Variants in ZSCAN5A observed in about 807,000 individuals in gnomAD.
The protein encoded by ZSCAN5A is zinc finger and SCAN domain-containing protein 5A.
Under a neutral mutation model 23.7 loss-of-function variants are expected in ZSCAN5A, and 12 were observed. The ratio of observed to expected loss-of-function variants is 0.51; its 90% confidence interval spans 0.32 to 0.82. The LOEUF (loss-of-function observed/expected upper bound fraction) is 0.82, where lower values mean the gene tolerates loss of function less well. ZSCAN5A is among the 40% of genes least tolerant of loss of function. The pLI is 0.03. For missense variants in ZSCAN5A, 597 were observed against 617.9 expected (o/e 0.97, Z 0.36); for synonymous variants, 257 against 239.9 (o/e 1.07, Z -0.66).
chr19:56,289,612 G>T (rs2039378163), intron 2 of ZSCAN5A, among the ~76,000 whole-genome samples: 2 of 152,120 alleles, frequency 1.3e-5, no homozygotes, highest in African/African-American at 4.8e-5. Flanking sequence ...TGGTCTGTTT[G>T]TTTGTTTTTG....
intron 2 of ZSCAN5A, among the ~76,000 whole-genome samples, chr19:56,304,224 C>T (rs925768090): frequency 6.6e-6 from 1 of 152,130 alleles, no homozygotes; most frequent in Non-Finnish European, 1.5e-5. Flanking sequence ...AGATGAGAGC[C>T]GTGCAGCAGT....
chr19:56,223,794 T>C lies in ZSCAN5A; in HGVS notation c.425A>G (p.Asp142Gly). The C allele has an allele frequency of 6.2e-7, 1 of 1,613,550 alleles. No individual in the cohort carries two copies. Among genetic ancestry groups the C allele is most frequent in the Non-Finnish European group, 8.5e-7 (1 of 1,179,976 alleles). Reference protein sequence around the residue: ...TFHGKEYIVQDSDIEMAEAPS... With the variant: ...TFHGKEYIVQGSDIEMAEAPS... ...GGCTTCAGCCATCTCGATATCTGAG[T>C]CCTGCACAATATATTCCTTTCCGTG... Residue 142 changes from aspartate to glycine, a missense_variant, in exon 4 of 6, where the codon GAC (aspartate) becomes GGC (glycine). Transcript: ENST00000683990.
chr19:56,301,871 G>A, intron 2 of ZSCAN5A: 1 of 1,223,244 alleles, frequency 8.2e-7, no homozygotes, highest in Non-Finnish European at 1.0e-6. Context: ...GCAGAGATGT[G>A]AGTTTGGAGA....
chr19:56,246,910 A>G, intron 2 of ZSCAN5A: 1 of 1,606,878 alleles, frequency 6.2e-7, no homozygotes, highest in Non-Finnish European at 8.5e-7. Context: ...CGCCACCTCC[A>G]TTTCCCAAGA....
intron 2 of ZSCAN5A, among the ~76,000 whole-genome samples, chr19:56,330,742 T>C (rs2041481397): frequency 6.6e-6 from 1 of 152,212 alleles, no homozygotes; most frequent in Non-Finnish European, 1.5e-5. Flanking sequence ...CCTTTTTTGA[T>C]GCAGTTTTTG....
At chr19:56,227,023 G>T (rs1347251312) in intron 2 of ZSCAN5A, among the ~76,000 whole-genome samples, 2 of 152,166 alleles carry the variant, frequency 1.3e-5, no homozygotes, top group East Asian at 3.8e-4. Context: ...TACCAGGGCT[G>T]GGGTAGGGGT....
chr19:56,248,010 A>C (rs1336224051), intron 2 of ZSCAN5A, among the ~76,000 whole-genome samples: 1 of 152,176 alleles, frequency 6.6e-6, no homozygotes, highest in African/African-American at 2.4e-5. Flanking sequence ...ATAAACAAAC[A>C]TCTAATTAGT....
At chr19:56,255,401 G>T (rs2036627143) in intron 2 of ZSCAN5A, among the ~76,000 whole-genome samples, 1 of 152,096 alleles carries the variant, frequency 6.6e-6, no homozygotes, top group South Asian at 2.1e-4. Context: ...CAGCCACAGA[G>T]AATTAGAAAG....
chr19:56,352,011 G>A lies in ZSCAN5A; in HGVS notation c.-358+11224C>T, dbSNP rs149679849. Among the ~76,000 whole-genome samples the A allele has an allele frequency of 1.6e-3, 243 of 152,336 alleles. 2 individuals are homozygous for A. Among genetic ancestry groups the A allele is most frequent in the African/African-American group, 5.2e-3 (217 of 41,576 alleles). ...GTAGGGAAGTGGGACCCGAAACTCA[G>A]GAAGGGATGCGGTGAAGATACTGAT... On this transcript the variant is annotated intron_variant, in intron 2 of 6. Transcript: ENST00000587340. This position sits in a 1 kb window ranked among gnomAD's most constrained non-coding sequence, Gnocchi z 4.2.
At chr19:56,294,607 A>G (rs187305354) in intron 2 of ZSCAN5A, among the ~76,000 whole-genome samples, 2 of 152,344 alleles carry the variant, frequency 1.3e-5, no homozygotes, top group Non-Finnish European at 2.9e-5. Context: ...AAGCAGCCAC[A>G]GACAACACAC....
chr19:56,255,415 G>C (rs2036627555), intron 2 of ZSCAN5A, among the ~76,000 whole-genome samples: 1 of 152,000 alleles, frequency 6.6e-6, no homozygotes, highest in Non-Finnish European at 1.5e-5. Context: ...TAGAAAGTCT[G>C]CCGCCCGCTG....
At chr19:56,302,544 C>CCTTCCTCCCTCCCCCCTTCCTTTT (rs746194893) in intron 2 of ZSCAN5A, among the ~76,000 whole-genome samples, 1 of 58,738 alleles carries the variant, frequency 1.7e-5, no homozygotes, top group Non-Finnish European at 4.3e-5. Context: ...TCTTCCTCCC[C>CCTTCCTCCCTCCCCCCTTCCTTTT]GTTCCTCCCT....
rs1365683690 is a variant in ZSCAN5A at position 56,268,083 on chromosome 19, G to C, written c.-127-42910C>G. Among the ~76,000 whole-genome samples the C allele has an allele frequency of 2.0e-5, 3 of 152,276 alleles. No homozygotes were observed. In the East Asian group the frequency reaches 5.8e-4, roughly 29 times the overall value. ...CCCATTGCTCCCTTATCTGTTTAGT[G>C]GGGGACAGAAGACTCCAAGGGCTCC... On this transcript the variant is annotated intron_variant, in intron 2 of 5. Coordinates refer to ENST00000683990, the MANE Select transcript of ZSCAN5A (RefSeq NM_001322064.3).
rs979644056 is a variant in ZSCAN5A at position 56,221,835 on chromosome 19, G to A, written c.1231C>T (p.Pro411Ser). 16 of 1,614,064 alleles carry A rather than the reference G, an allele frequency of 9.9e-6. No individual in the cohort carries two copies. Among genetic ancestry groups the A allele is most frequent in the Admixed American group, 1.7e-5 (1 of 60,004 alleles). The change falls in exon 6 of 6, where the codon CCC (proline) becomes TCC (serine). Residue 411 changes from proline to serine, a missense_variant. Physicochemically the swap from Pro to Ser is moderately conservative, Grantham distance 74. Around this residue, in one of 5 missense-constraint regions of ZSCAN5A, gnomAD observed 406 missense variants for 353.2 expected, o/e 1.15. Transcript: ENST00000683990. ...TTCTGGCAGACGTCACACGTGTAGG[G>A]CCTCTCGCCAGTGTGGGTTCGCTGG... ...FHQRTHTGER[P>S]YTCDVCQKQF...
At chr19:56,222,990 C>T (rs2033445328) in intron 4 of ZSCAN5A, among the ~76,000 whole-genome samples, 1 of 152,158 alleles carries the variant, frequency 6.6e-6, no homozygotes, top group African/African-American at 2.4e-5. Flanking sequence ...CTGTTTGGTT[C>T]TCTGAGCATA....
intron 2 of ZSCAN5A, among the ~76,000 whole-genome samples, chr19:56,260,008 T>TA (rs531083378): frequency 6.6e-6 from 1 of 152,082 alleles, no homozygotes; most frequent in South Asian, 2.1e-4. Context: ...TTAAATGCTA[T>TA]AAAAAATGTT....
At chr19:56,288,516 C>A (rs917656065) in intron 2 of ZSCAN5A, among the ~76,000 whole-genome samples, 1 of 152,196 alleles carries the variant, frequency 6.6e-6, no homozygotes, top group Non-Finnish European at 1.5e-5. Flanking sequence ...AACGATACCC[C>A]ACTTTTGATG....
At chr19:56,345,015 G>A (rs889886339) in intron 2 of ZSCAN5A, among the ~76,000 whole-genome samples, 5 of 151,644 alleles carry the variant, frequency 3.3e-5, no homozygotes, top group African/African-American at 1.2e-4. Context: ...CGAGGCAGGA[G>A]AATGGTGTGA....
chr19:56,247,950 A>T (rs1008736872), intron 2 of ZSCAN5A, among the ~76,000 whole-genome samples: 10 of 152,152 alleles, frequency 6.6e-5, no homozygotes, highest in Non-Finnish European at 1.5e-4. Flanking sequence ...TCACCCTCCC[A>T]AAGTGCTGGG....
Sources: gnomAD v4.1 joint callset for allele counts (sites outside exome capture counted in the v4.1 genomes callset) on GRCh38, gnomAD v4.1.1 for gene constraint, gnomAD v4.1.1 regional missense constraint, Gnocchi (gnomAD v3.1) non-coding constraint, MANE v1.5 for transcripts, NCBI Gene and HGNC (gene_info 2026-07-23, HGNC 2026-07-21) for gene names.